Variants in EPHB1 observed in about 807,000 individuals in gnomAD.
EPHB1 encodes EPH receptor B1.
A neutral mutation model predicts 94.4 loss-of-function variants in EPHB1; 30 were observed. That is an observed-to-expected ratio of 0.32 (90% CI 0.24 to 0.43). EPHB1 has a LOEUF of 0.43. EPHB1 is among the 20% of genes least tolerant of loss of function. EPHB1 has a pLI of 1.00. For synonymous variants in EPHB1, 522 were observed against 489.1 expected (o/e 1.07, Z -0.89); for missense variants, 1,055 against 1,308.3 (o/e 0.81, Z 2.99).
At chr3:134,884,268 T>C (rs2037817891) in intron 1 of EPHB1, among the ~76,000 whole-genome samples, 1 of 152,210 alleles carries the variant, frequency 6.6e-6, no homozygotes, top group African/African-American at 2.4e-5. Flanking sequence ...AGGGATGGTG[T>C]GGAGAGGCCG....
intron 9 of EPHB1, 63 bp from the exon 10 acceptor site, chr3:135,179,797 G>A: frequency 1.3e-6 from 2 of 1,596,770 alleles, no homozygotes; most frequent in East Asian, 2.2e-5. Context: ...GGGGACATCA[G>A]CAGTGCTGAA....
intron 2 of EPHB1, among the ~76,000 whole-genome samples, chr3:134,935,049 G>C (rs1316893535): frequency 6.6e-6 from 1 of 152,122 alleles, no homozygotes; most frequent in Non-Finnish European, 1.5e-5. Context: ...TTATGCAACT[G>C]GCATGTGAGC....
chr3:134,836,199 A>G (rs889554539), intron 1 of EPHB1, among the ~76,000 whole-genome samples: 2 of 152,212 alleles, frequency 1.3e-5, no homozygotes, highest in African/African-American at 2.4e-5. Context: ...TCAAGGCACA[A>G]TTAGATTCCA....
intron 1 of EPHB1, among the ~76,000 whole-genome samples, chr3:134,922,420 A>T (rs527434589): frequency 6.6e-6 from 1 of 152,328 alleles, no homozygotes; most frequent in South Asian, 2.1e-4. Context: ...GGCAGATGTA[A>T]AGAAATGGAT....
At chr3:134,932,428 A>T (rs773614504) in intron 2 of EPHB1, among the ~76,000 whole-genome samples, 30 of 152,168 alleles carry the variant, frequency 2.0e-4, no homozygotes, top group Non-Finnish European at 4.0e-4. Context: ...CACCTCATCC[A>T]TTCCAAAGCC....
chr3:135,055,789 C>T (rs371906418), intron 3 of EPHB1, among the ~76,000 whole-genome samples: 2 of 152,220 alleles, frequency 1.3e-5, no homozygotes, highest in East Asian at 3.9e-4. Context: ...CCACAAAAGA[C>T]AGCTGCTGTC....
intron 3 of EPHB1, among the ~76,000 whole-genome samples, chr3:134,975,196 C>T (rs1439388279): frequency 1.3e-5 from 2 of 151,992 alleles, no homozygotes; most frequent in East Asian, 3.9e-4. Context: ...GTTAGGGAGT[C>T]GATGTTGGAA....
intron 15 of EPHB1, 86 bp from the exon 16 acceptor site, chr3:135,258,926 A>T: frequency 8.4e-7 from 1 of 1,186,710 alleles, no homozygotes; most frequent in South Asian, 1.3e-5. Flanking sequence ...GCTACTTCCC[A>T]AGAACATGGC....
chr3:134,977,696 C>A (rs1310571539), intron 3 of EPHB1, among the ~76,000 whole-genome samples: 1 of 152,168 alleles, frequency 6.6e-6, no homozygotes, highest in African/African-American at 2.4e-5. Flanking sequence ...TCAACATCCT[C>A]CCCTCTGCCT....
At chr3:134,873,087 C>G (rs188997416) in intron 1 of EPHB1, among the ~76,000 whole-genome samples, 1 of 152,174 alleles carries the variant, frequency 6.6e-6, no homozygotes, top group South Asian at 2.1e-4. Flanking sequence ...GACTCTTAAA[C>G]TAGAGCCATT....
chr3:134,891,812 T>C (rs2037989831), intron 1 of EPHB1, among the ~76,000 whole-genome samples: 1 of 152,244 alleles, frequency 6.6e-6, no homozygotes, highest in Non-Finnish European at 1.5e-5. Context: ...TGGTAGGATC[T>C]GGGTGTTAGA....
chr3:135,222,594 A>G (rs767154521), intron 12 of EPHB1, among the ~76,000 whole-genome samples: 11 of 152,216 alleles, frequency 7.2e-5, no homozygotes, highest in Non-Finnish European at 1.2e-4. Flanking sequence ...TTCCAGAGCC[A>G]CTGTGTTTTT....
At chr3:134,952,349 C>T (rs1317114299) in intron 3 of EPHB1, among the ~76,000 whole-genome samples, 1 of 144,606 alleles carries the variant, frequency 6.9e-6, no homozygotes, top group Non-Finnish European at 1.5e-5. Flanking sequence ...TTATCTCTCT[C>T]TCTTCTCTCT....
intron 3 of EPHB1, among the ~76,000 whole-genome samples, chr3:135,056,773 G>A (rs1437547295): frequency 7.2e-5 from 11 of 152,254 alleles, no homozygotes; most frequent in Non-Finnish European, 1.6e-4. Flanking sequence ...ACAGGTGGGA[G>A]GGAGGAGTGG....
At chr3:135,067,328 G>C (rs943793304) in intron 3 of EPHB1, among the ~76,000 whole-genome samples, 1 of 152,096 alleles carries the variant, frequency 6.6e-6, no homozygotes, top group Non-Finnish European at 1.5e-5. Context: ...GCAGGGCTAG[G>C]CATGTCTGAG....
At chr3:135,056,053 A>G (rs1937337601) in intron 3 of EPHB1, among the ~76,000 whole-genome samples, 1 of 152,140 alleles carries the variant, frequency 6.6e-6, no homozygotes, top group Non-Finnish European at 1.5e-5. Flanking sequence ...CACCTATCAG[A>G]CCACTTACTC....
chr3:135,173,709 C>T (rs574237509), intron 9 of EPHB1, among the ~76,000 whole-genome samples: 2 of 152,326 alleles, frequency 1.3e-5, no homozygotes, highest in South Asian at 4.1e-4. Context: ...CTGCTACCAC[C>T]CGTGTGCCTC....
At chr3:135,042,344 A>C (rs1171941984) in intron 3 of EPHB1, among the ~76,000 whole-genome samples, 1 of 152,206 alleles carries the variant, frequency 6.6e-6, no homozygotes, top group Non-Finnish European at 1.5e-5. Flanking sequence ...ACACTGTTAC[A>C]TTGGGAATTA....
chr3:134,973,293 C>G (rs1428583969), intron 3 of EPHB1, among the ~76,000 whole-genome samples: 1 of 152,120 alleles, frequency 6.6e-6, no homozygotes, highest in Admixed American at 6.6e-5. Context: ...TAGTGAAGGG[C>G]AGGGTTGACC....
Sources: gnomAD v4.1 joint callset for allele counts (sites outside exome capture counted in the v4.1 genomes callset) on GRCh38, gnomAD v4.1.1 for gene constraint, MANE v1.5 for transcripts, NCBI Gene and HGNC (gene_info 2026-07-23, HGNC 2026-07-21) for gene names.